ANKS1B: variants seen among roughly 807,000 people sequenced by gnomAD.
The protein encoded by ANKS1B is ankyrin repeat and sterile alpha motif domain containing 1B, also known as ankyrin repeat and sterile alpha motif domain-containing protein 1B.
ANKS1B carries 36 observed loss-of-function variants against 148.3 expected under a neutral mutation model. That is an observed-to-expected ratio of 0.24 (90% confidence interval 0.19 to 0.32). The LOEUF (loss-of-function observed/expected upper bound fraction) is 0.32. Among genes scored for constraint, ANKS1B ranks in the 10% least tolerant of loss-of-function variants. The pLI, the probability that ANKS1B is intolerant of heterozygous loss-of-function variation, is 1.00. For missense variants in ANKS1B, 1,157 were observed against 1,542.6 expected (o/e 0.75, Z 4.19); for synonymous variants, 542 against 560.8 (o/e 0.97, Z 0.47).
At chr12:98,864,206 A>G (rs1005050177) in intron 17 of ANKS1B, among the ~76,000 whole-genome samples, 6 of 151,216 alleles carry the variant, frequency 4.0e-5, no homozygotes, top group African/African-American at 1.2e-4. Context: ...GGTACGTGTG[A>G]TATTTTGATA....
Position 99,772,549 on chromosome 12 carries a change from T to C in ANKS1B, c.1128+373A>G, listed in dbSNP as rs960482051. Among the ~76,000 whole-genome samples the C allele has an allele frequency of 2.6e-5, 4 of 152,130 alleles. No homozygotes were observed. In the East Asian group the frequency reaches 5.8e-4, roughly 22 times the overall value. On this transcript the variant is annotated intron_variant, in intron 8 of 26. Transcript: ENST00000683438. ...AACTATACGTGTGGCTCTGCTCTGT[T>C]AGTCTGAGTTCATAGAGAAAATGGG...
chr12:98,923,603 A>G (rs2099804243), intron 17 of ANKS1B, among the ~76,000 whole-genome samples: 1 of 152,232 alleles, frequency 6.6e-6, no homozygotes, highest in South Asian at 2.1e-4. Flanking sequence ...CTACACTACA[A>G]ATGTAGAGTG....
intron 8 of ANKS1B, among the ~76,000 whole-genome samples, chr12:99,719,520 G>C (rs558008374): frequency 6.6e-6 from 1 of 152,232 alleles, no homozygotes; most frequent in East Asian, 1.9e-4. Context: ...CACCAGCAAA[G>C]GCAGGCTATG....
chr12:98,785,179 A>G (rs2098779472), intron 22 of ANKS1B, among the ~76,000 whole-genome samples: 1 of 152,222 alleles, frequency 6.6e-6, no homozygotes, highest in Admixed American at 6.5e-5. Flanking sequence ...CATAGAAAGA[A>G]GGCAAAGAGG....
chr12:99,313,467 C>A (rs2083487798), intron 12 of ANKS1B, among the ~76,000 whole-genome samples: 1 of 151,688 alleles, frequency 6.6e-6, no homozygotes, highest in Admixed American at 6.6e-5. Context: ...ACAACAACAA[C>A]AAAAAACTTC....
At chr12:99,666,857 G>GGTGTGTGTGTGT (rs3083633) in intron 8 of ANKS1B, among the ~76,000 whole-genome samples, 38 of 132,628 alleles carry the variant, frequency 2.9e-4, no homozygotes, top group East Asian at 1.0e-3. Flanking sequence ...GTTACTATGG[G>GGTGTGTGTGTGT]GTGTGTGTGT....
At chr12:98,796,506 C>G (rs1345029250) in intron 22 of ANKS1B, among the ~76,000 whole-genome samples, 1 of 152,126 alleles carries the variant, frequency 6.6e-6, no homozygotes, top group Non-Finnish European at 1.5e-5. Context: ...AAGTTGAGAT[C>G]TACATCATTT....
rs185955980 is a variant in ANKS1B, at chr12:99,748,549, A to G, written c.1128+24373T>C. On this transcript the variant is annotated intron_variant, in intron 8 of 26. Coordinates refer to ENST00000683438, the MANE Select transcript of ANKS1B (RefSeq NM_001352186.2). ...AATTTTCATTCATTTAACAAATAATACTGAGTATATACTTATGCCAGAATT... is the reference window on the plus strand; with the variant it reads ...AATTTTCATTCATTTAACAAATAATGCTGAGTATATACTTATGCCAGAATT... Among the ~76,000 whole-genome samples the G allele has an allele frequency of 5.2e-3, 788 of 152,220 alleles. 3 individuals are homozygous for G. The highest frequency in any genetic ancestry group is 7.6e-3 in the Non-Finnish European group (520 of 67,990).
intron 8 of ANKS1B, among the ~76,000 whole-genome samples, chr12:99,703,804 G>A (rs1304816638): frequency 3.3e-5 from 5 of 152,022 alleles, no homozygotes; most frequent in African/African-American, 9.7e-5. Flanking sequence ...AGTGCCTAGC[G>A]CAAAGCCTGG....
chr12:99,775,769 C>A, intron 6 of ANKS1B, 108 bp from the exon 7 acceptor site: 2 of 574,164 alleles, frequency 3.5e-6, no homozygotes, highest in Non-Finnish European at 2.9e-6. Flanking sequence ...TTTTTCATAT[C>A]CTAAATATAT....
intron 1 of ANKS1B, among the ~76,000 whole-genome samples, chr12:99,881,158 CAG>C (rs1157734044): frequency 3.3e-5 from 5 of 152,236 alleles, no homozygotes; most frequent in Non-Finnish European, 5.9e-5. Context: ...AGCATACAAA[CAG>C]AGAGATTTCC....
At chr12:99,294,748 G>A (rs1436640339) in intron 12 of ANKS1B, among the ~76,000 whole-genome samples, 4 of 151,990 alleles carry the variant, frequency 2.6e-5, no homozygotes, top group Non-Finnish European at 5.9e-5. Context: ...CCGCCTTCCA[G>A]GTTCAAGCAA....
chr12:99,076,814 G>A (rs1444236274), intron 16 of ANKS1B, among the ~76,000 whole-genome samples: 1 of 152,166 alleles, frequency 6.6e-6, no homozygotes, highest in Admixed American at 6.5e-5. Context: ...TACAGTCTAA[G>A]CCTGGTCTAT....
chr12:99,309,463 C>T (rs993023400), intron 12 of ANKS1B, among the ~76,000 whole-genome samples: 1 of 151,802 alleles, frequency 6.6e-6, no homozygotes, highest in Admixed American at 6.6e-5. Flanking sequence ...CTGATATTAT[C>T]AGCTGAAAGT....
intron 12 of ANKS1B, among the ~76,000 whole-genome samples, chr12:99,389,399 A>G (rs2093982384): frequency 6.6e-6 from 1 of 152,238 alleles, no homozygotes; most frequent in Non-Finnish European, 1.5e-5. Context: ...TTGTAGTTTG[A>G]AAACTGTTTT....
rs2099573777 is a variant in ANKS1B at position 98,856,748 on chromosome 12, G to T, written c.2779-24612C>A. Among the ~76,000 whole-genome samples the T allele has an allele frequency of 2.0e-5, 3 of 152,272 alleles. No individual in the cohort carries two copies. The South Asian group carries it at 6.2e-4, about 32-fold the overall frequency. ...CCTCTGGGAGCCTAGGAGGACAGAT[G>T]CTTGACACTAGCTGGGGACAAAAAA... is the stretch of plus-strand genomic sequence containing the variant. On this transcript the variant is annotated intron_variant, in intron 17 of 26. Coordinates refer to ENST00000683438, the MANE Select transcript of ANKS1B (RefSeq NM_001352186.2).
At chr12:99,329,470 G>A (rs1490869577) in intron 12 of ANKS1B, among the ~76,000 whole-genome samples, 3 of 151,740 alleles carry the variant, frequency 2.0e-5, no homozygotes, top group African/African-American at 4.8e-5. Context: ...GAGTTTACAG[G>A]GTAAGGTTCT....
At chr12:99,747,705 G>A (rs1034515159) in intron 8 of ANKS1B, among the ~76,000 whole-genome samples, 17 of 152,136 alleles carry the variant, frequency 1.1e-4, no homozygotes, top group Admixed American at 2.6e-4. Context: ...TCCCACTTAC[G>A]TGATGTTGGT....
chr12:99,632,767 A>ATATATATATATATATATATATTTTTT, intron 9 of ANKS1B, among the ~76,000 whole-genome samples: 1 of 71,316 alleles, frequency 1.4e-5, no homozygotes, highest in Admixed American at 1.8e-4. Context: ...ATATATATAT[A>ATATATATATATATATATATATTTTTT]TTTTAATTAT....
Sources: gnomAD v4.1 joint callset for allele counts (sites outside exome capture counted in the v4.1 genomes callset) on GRCh38, gnomAD v4.1.1 for gene constraint, MANE v1.5 for transcripts, NCBI Gene and HGNC (gene_info 2026-07-23, HGNC 2026-07-21) for gene names.